The following FAF1 variants were observed in gnomAD, a reference collection of about 807,000 sequenced individuals.
FAF1 encodes the protein FAS-associated factor 1.
A neutral mutation model predicts 92.5 loss-of-function variants in FAF1; 25 were observed. The observed-to-expected ratio is 0.27, with a 90% CI of 0.20 to 0.38. FAF1 has a LOEUF of 0.38. FAF1 is among the 10% of genes least tolerant of loss of function. The pLI is 1.00. For synonymous variants in FAF1, 234 were observed against 273.2 expected, an observed-to-expected ratio of 0.86 and a Z score of 1.42; for missense variants, 636 against 793.3, an observed-to-expected ratio of 0.80 and a Z score of 2.38.
chr1:50,739,002 T>A, intron 5 of FAF1, 48 bp from the exon 6 acceptor site: 1 of 1,142,096 alleles, frequency 8.8e-7, no homozygotes, highest in South Asian at 1.4e-5. Flanking sequence ...TGTTGATTAT[T>A]CATTATTGAT....
At chr1:50,633,551 T>C (rs956376113) in intron 8 of FAF1, among the ~76,000 whole-genome samples, 5 of 152,200 alleles carry the variant, frequency 3.3e-5, no homozygotes, top group African/African-American at 4.8e-5. Context: ...TGCCGCTGAA[T>C]GTCACCTGAA....
At chr1:50,454,801 C>T (rs1646333035) in intron 18 of FAF1, among the ~76,000 whole-genome samples, 1 of 152,124 alleles carries the variant, frequency 6.6e-6, no homozygotes, top group South Asian at 2.1e-4. Flanking sequence ...ATCTGTTGTG[C>T]CTTTTGATTA....
At chr1:50,580,866 G>C (rs1396051284) in intron 12 of FAF1, among the ~76,000 whole-genome samples, 4 of 152,086 alleles carry the variant, frequency 2.6e-5, no homozygotes, top group African/African-American at 9.7e-5. Flanking sequence ...CCACCTCCTG[G>C]GCTCAAGCAA....
chr1:50,716,375 G>A (rs532459998), intron 6 of FAF1, among the ~76,000 whole-genome samples: 2 of 152,296 alleles, frequency 1.3e-5, no homozygotes, highest in African/African-American at 4.8e-5. Flanking sequence ...ACTAGGGGAA[G>A]CACTCACTAT....
chr1:50,729,054 A>T lies in FAF1; in HGVS notation c.551+9809T>A, dbSNP rs1461154108. On this transcript the variant is annotated intron_variant, in intron 6 of 18. Coordinates refer to ENST00000396153, the MANE Select transcript of FAF1 (RefSeq NM_007051.3). ...TCTATCTATATATATATATATATAT[A>T]TATATTTTTTTTTTTTTTGAGGCAG... Among the ~76,000 whole-genome samples the T allele has an allele frequency of 4.6e-3, 454 of 97,736 alleles. 3 individuals carry two copies. Among genetic ancestry groups the T allele is most frequent in the African/African-American group, 0.017 (391 of 22,400 alleles). The allele number at this position is 97,736 out of a possible 152,430, so 64.1% of individuals were successfully genotyped here. A position where few individuals can be genotyped will look rare whatever the true frequency, so the allele number is the denominator to read the frequency against.
chr1:50,681,135 C>T (rs1203929598), intron 7 of FAF1, among the ~76,000 whole-genome samples: 1 of 152,168 alleles, frequency 6.6e-6, no homozygotes, highest in East Asian at 1.9e-4. Context: ...CAACCTCCGC[C>T]TCCCAGGTTC....
chr1:50,688,295 C>T (rs1656763439), intron 7 of FAF1, among the ~76,000 whole-genome samples: 2 of 151,818 alleles, frequency 1.3e-5, no homozygotes, highest in Admixed American at 1.3e-4. Flanking sequence ...TCCTCAAAAA[C>T]TTAAACACAG....
intron 2 of FAF1, among the ~76,000 whole-genome samples, chr1:50,819,778 C>CATATATATATACGTATAT (rs1280493582): frequency 6.6e-5 from 2 of 30,438 alleles, no homozygotes; most frequent in Non-Finnish European, 1.5e-4. Context: ...TATATATATA[C>CATATATATATACGTATAT]ATATATATAC....
At position 50,583,808 on chromosome 1, in the gene FAF1, AAT is replaced by A. The variant is rs1651100524; in HGVS notation, c.968-95_968-94del. ...ATAACATCTAATCCCACATATAAGAAATATATTCAATCAATAAAGAGGAAATA... is the reference window on the plus strand; with the variant it reads ...ATAACATCTAATCCCACATATAAGAAATATTCAATCAATAAAGAGGAAATA... On this transcript the variant is annotated intron_variant, in intron 10 of 18. Coordinates refer to ENST00000396153, the MANE Select transcript of FAF1 (RefSeq NM_007051.3). The surrounding 1 kb of genome is among the most constrained non-coding windows in gnomAD (Gnocchi z 4.2). The A allele has an allele frequency of 3.1e-6, 2 of 640,916 alleles. No homozygotes were observed. Among genetic ancestry groups the A allele is most frequent in the Admixed American group, 6.0e-5 (2 of 33,228 alleles). The allele number at this position is 640,916 out of a possible 1,614,324, so 39.7% of individuals were successfully genotyped here.
intron 1 of FAF1, among the ~76,000 whole-genome samples, chr1:50,936,945 G>C (rs536169314): frequency 6.6e-6 from 1 of 152,244 alleles, no homozygotes; most frequent in Non-Finnish European, 1.5e-5. Flanking sequence ...AGACGAAGCA[G>C]AGATGCAGAA....
At chr1:50,525,522 C>T (rs1045467343) in intron 15 of FAF1, among the ~76,000 whole-genome samples, 3 of 152,224 alleles carry the variant, frequency 2.0e-5, no homozygotes, top group Non-Finnish European at 4.4e-5. Flanking sequence ...AATTTTACTT[C>T]TTCCTTTCCA....
chr1:50,587,350 T>C (rs1651284761), intron 9 of FAF1, among the ~76,000 whole-genome samples: 1 of 152,188 alleles, frequency 6.6e-6, no homozygotes, highest in Admixed American at 6.5e-5. Context: ...GGGAGGTATC[T>C]AAAAAGCCAA....
intron 8 of FAF1, among the ~76,000 whole-genome samples, chr1:50,639,777 T>C (rs571379398): frequency 1.1e-4 from 17 of 151,860 alleles, no homozygotes; most frequent in African/African-American, 3.9e-4. Flanking sequence ...CTACTAAAAA[T>C]ACAAAAATTA....
chr1:50,702,823 T>C (rs1465894008), intron 7 of FAF1, among the ~76,000 whole-genome samples: 1 of 152,104 alleles, frequency 6.6e-6, no homozygotes, highest in African/African-American at 2.4e-5. Flanking sequence ...AATAGTTTAT[T>C]TGAAATTCAA....
At chr1:50,749,341 A>G (rs1254210062) in intron 4 of FAF1, among the ~76,000 whole-genome samples, 10 of 152,162 alleles carry the variant, frequency 6.6e-5, no homozygotes, top group Non-Finnish European at 1.5e-5. Context: ...AGTTTCTTAA[A>G]GGAAAAACAA....
At chr1:50,441,595 T>C in intron 18 of FAF1, 72 bp from the exon 19 acceptor site, 1 of 797,500 alleles carries the variant, frequency 1.3e-6, no homozygotes. Flanking sequence ...CTTCATTTTA[T>C]CTATGCACAC....
At chr1:50,849,464 A>C (rs1189784565) in intron 2 of FAF1, among the ~76,000 whole-genome samples, 1 of 152,158 alleles carries the variant, frequency 6.6e-6, no homozygotes, top group Non-Finnish European at 1.5e-5. Flanking sequence ...CTCATTATAC[A>C]TTTTAAAATA....
intron 18 of FAF1, among the ~76,000 whole-genome samples, chr1:50,467,918 A>G (rs1055067879): frequency 1.3e-5 from 2 of 152,200 alleles, no homozygotes; most frequent in African/African-American, 2.4e-5. Context: ...ATATCAAAAT[A>G]TCACATTGCA....
At chr1:50,756,027 T>C (rs770222236) in intron 4 of FAF1, among the ~76,000 whole-genome samples, 4 of 152,208 alleles carry the variant, frequency 2.6e-5, no homozygotes, top group Non-Finnish European at 5.9e-5. Flanking sequence ...GGAGACATTT[T>C]CCCCATTGTC....
Sources: gnomAD v4.1 joint callset for allele counts (sites outside exome capture counted in the v4.1 genomes callset) on GRCh38, gnomAD v4.1.1 for gene constraint, Gnocchi (gnomAD v3.1) non-coding constraint, MANE v1.5 for transcripts, NCBI Gene and HGNC (gene_info 2026-07-23, HGNC 2026-07-21) for gene names.